DCAF1: variants seen among roughly 807,000 people sequenced by gnomAD.
DCAF1 encodes the protein DDB1 and CUL4 associated factor 1.
In DCAF1, 15 loss-of-function variants were observed where a neutral mutation model predicts 128.0. The observed-to-expected ratio is 0.12, with a 90% CI of 0.08 to 0.18. The LOEUF (loss-of-function observed/expected upper bound fraction) is 0.18, where lower values mean the gene tolerates loss of function less well. Ranked by LOEUF, DCAF1 falls within the 10% of genes least tolerant of loss-of-function variation. The pLI is 1.00. For missense variants in DCAF1, 988 were observed against 1,649.5 expected (o/e 0.60, Z 6.95); for synonymous variants, 610 against 603.0 (o/e 1.01, Z -0.17).
chr3:51,413,807 T>C (rs1577071735), intron 20 of DCAF1, 143 bp downstream of exon 20: 14 of 1,103,768 alleles, frequency 1.3e-5, no homozygotes, highest in East Asian at 9.3e-5. Flanking sequence ...TCACCATTCA[T>C]ACTATCAATT....
At chr3:51,464,249 T>C (rs561330099) in intron 5 of DCAF1, among the ~76,000 whole-genome samples, 2 of 41,492 alleles carry the variant, frequency 4.8e-5, no homozygotes, top group Non-Finnish European at 8.7e-5. Context: ...TCAAATTTTA[T>C]AATAAATTAT....
At chr3:51,499,641 T>C (rs1337232436) in intron 1 of DCAF1, among the ~76,000 whole-genome samples, 4 of 145,962 alleles carry the variant, frequency 2.7e-5, no homozygotes, top group African/African-American at 1.0e-4. Flanking sequence ...TCGTGGGGAG[T>C]GGAGGAAGAA....
At chr3:51,401,703 G>A (rs1004733513) in intron 24 of DCAF1, among the ~76,000 whole-genome samples, 1 of 152,198 alleles carries the variant, frequency 6.6e-6, no homozygotes, top group Non-Finnish European at 1.5e-5. Flanking sequence ...AAAAATTAAA[G>A]TGATGCTCTC....
At chr3:51,454,818 C>G (rs545961754) in intron 6 of DCAF1, among the ~76,000 whole-genome samples, 1 of 152,056 alleles carries the variant, frequency 6.6e-6, no homozygotes, top group South Asian at 2.1e-4. Context: ...GGACTACAGG[C>G]GCCCACCACC....
chr3:51,415,725 C>T (rs1308775861), intron 18 of DCAF1, among the ~76,000 whole-genome samples: 1 of 152,010 alleles, frequency 6.6e-6, no homozygotes, highest in African/African-American at 2.4e-5. Flanking sequence ...GTAGCTGGGA[C>T]TATAGGTCCC....
chr3:51,412,290 G>A (rs1553628667), intron 23 of DCAF1, 89 bp downstream of exon 23: 2 of 1,567,062 alleles, frequency 1.3e-6, no homozygotes, highest in Non-Finnish European at 1.7e-6. Context: ...CAAAGGTTGA[G>A]TAGACCTTTA....
intron 3 of DCAF1, among the ~76,000 whole-genome samples, chr3:51,480,598 C>CAAAA (rs34527434): frequency 1.1e-5 from 1 of 92,466 alleles, no homozygotes. Flanking sequence ...GAGTCTGCCT[C>CAAAA]AAAAAAAAAA....
chr3:51,432,261 A>G (rs1331127470), intron 10 of DCAF1, among the ~76,000 whole-genome samples: 2 of 71,124 alleles, frequency 2.8e-5, no homozygotes, highest in Admixed American at 2.2e-4. Flanking sequence ...ACAGAGCAAG[A>G]TTCTGTAAAA....
chr3:51,490,502 A>T (rs1707506661), intron 2 of DCAF1, among the ~76,000 whole-genome samples: 1 of 152,228 alleles, frequency 6.6e-6, no homozygotes, highest in Non-Finnish European at 1.5e-5. Context: ...GAGTCAATTC[A>T]TGATGACCTA....
chr3:51,477,401 C>A (rs1359663497), intron 3 of DCAF1, among the ~76,000 whole-genome samples: 5 of 150,790 alleles, frequency 3.3e-5, no homozygotes, highest in Admixed American at 1.3e-4. Context: ...AGGGAAGTTA[C>A]CCCTGATTAA....
intron 7 of DCAF1, among the ~76,000 whole-genome samples, chr3:51,442,519 G>A (rs1384780135): frequency 1.3e-5 from 2 of 152,010 alleles, no homozygotes; most frequent in Non-Finnish European, 2.9e-5. Flanking sequence ...CCAACATGGT[G>A]AAACCCCGTC....
At chr3:51,401,857 TTGTC>T (rs1159257636) in intron 24 of DCAF1, among the ~76,000 whole-genome samples, 6 of 152,324 alleles carry the variant, frequency 3.9e-5, no homozygotes, top group South Asian at 4.1e-4. Context: ...CATTAAAACT[TTGTC>T]TGACCAGGCT....
intron 23 of DCAF1, among the ~76,000 whole-genome samples, chr3:51,405,647 C>T (rs1318056654): frequency 6.6e-6 from 1 of 152,140 alleles, no homozygotes; most frequent in Admixed American, 6.5e-5. Context: ...GCCATAAACT[C>T]ACTTTCCAAA....
chr3:51,441,517 C>T lies in DCAF1; in HGVS notation c.894G>A (p.Glu298=), dbSNP rs1553638695. 2 of 1,614,016 alleles carry T rather than the reference C, an allele frequency of 1.2e-6. No homozygotes were observed. ...SSSDPDRMFV[E]LSNSSWSEMS... ...TTTCTGACCAACTGCTATTAGACAG[C>T]TCAACAAACATGCGATCTGGATCAG... is the stretch of plus-strand genomic sequence containing the variant. Residue 298 remains glutamate, a synonymous_variant, in exon 8 of 25, where the codon GAG becomes GAA. Transcript: ENST00000684031.
chr3:51,445,322 G>A (rs1034177587), intron 6 of DCAF1, among the ~76,000 whole-genome samples: 1 of 152,158 alleles, frequency 6.6e-6, no homozygotes, highest in South Asian at 2.1e-4. Context: ...CATAAATTGT[G>A]ATAGTGTATA....
chr3:51,459,734 G>C (rs1703331187), intron 6 of DCAF1, among the ~76,000 whole-genome samples: 1 of 152,182 alleles, frequency 6.6e-6, no homozygotes, highest in African/African-American at 2.4e-5. Flanking sequence ...TCATCCCTGG[G>C]ATGCAAGGCT....
chr3:51,437,266 C>T (rs1214942129), intron 9 of DCAF1: 2 of 207,532 alleles, frequency 9.6e-6, no homozygotes, highest in African/African-American at 1.0e-4. Context: ...GACTCCATGT[C>T]AAAAAAAAAA....
intron 23 of DCAF1, among the ~76,000 whole-genome samples, chr3:51,406,140 A>G (rs1007123800): frequency 6.6e-5 from 10 of 151,992 alleles, no homozygotes; most frequent in Non-Finnish European, 1.5e-5. Flanking sequence ...TAAGGAGATC[A>G]AGACCATCCC....
At chr3:51,424,683 A>C (rs1478637575) in intron 13 of DCAF1, among the ~76,000 whole-genome samples, 1 of 152,248 alleles carries the variant, frequency 6.6e-6, no homozygotes, top group East Asian at 1.9e-4. Context: ...ACAGCATTTT[A>C]AATAAATATC....
Sources: gnomAD v4.1 joint callset for allele counts (sites outside exome capture counted in the v4.1 genomes callset) on GRCh38, gnomAD v4.1.1 for gene constraint, MANE v1.5 for transcripts, NCBI Gene and HGNC (gene_info 2026-07-23, HGNC 2026-07-21) for gene names.